The following TMPRSS2 variants were observed in gnomAD, a reference collection of about 807,000 sequenced individuals.
TMPRSS2 encodes the protein transmembrane serine protease 2.
A neutral mutation model predicts 67.4 loss-of-function variants in TMPRSS2; 59 were observed. That is an observed-to-expected ratio of 0.88 (90% CI 0.71 to 1.09). The LOEUF (loss-of-function observed/expected upper bound fraction) is 1.09. Ranked by LOEUF, TMPRSS2 falls within the 50% of genes least tolerant of loss-of-function variation. TMPRSS2 has a pLI of 0.00. For synonymous variants in TMPRSS2, 257 were observed against 257.0 expected (o/e 1.00, Z 0.00); for missense variants, 668 against 642.7 (o/e 1.04, Z -0.43).
chr21:41,469,036 T>C (rs2091108820), intron 11 of TMPRSS2, among the ~76,000 whole-genome samples: 1 of 152,180 alleles, frequency 6.6e-6, no homozygotes, highest in South Asian at 2.1e-4. Context: ...CATTTCCCAC[T>C]CTCGCTTTGC....
intron 1 of TMPRSS2, chr21:41,507,849 T>C: frequency 7.5e-7 from 1 of 1,331,534 alleles, no homozygotes. Context: ...GCGAGGGCTC[T>C]CGGCCGTGCG....
chr21:41,468,339 T>C (rs753647532), intron 12 of TMPRSS2, 57 bp downstream of exon 12: 16 of 1,600,730 alleles, frequency 1.0e-5, no homozygotes, highest in African/African-American at 1.3e-5. Flanking sequence ...CTCTCTCTCA[T>C]GGGGGGTTCA....
At chr21:41,476,400 C>G (rs886476576) in intron 8 of TMPRSS2, among the ~76,000 whole-genome samples, 177 bp downstream of exon 8, 4 of 152,132 alleles carry the variant, frequency 2.6e-5, no homozygotes, top group Admixed American at 6.5e-5. Context: ...TGTCTACAGG[C>G]CATGGAAATC....
At chr21:41,501,871 G>A (rs777132782) in intron 1 of TMPRSS2, among the ~76,000 whole-genome samples, 12 of 152,214 alleles carry the variant, frequency 7.9e-5, no homozygotes, top group Non-Finnish European at 1.5e-4. Context: ...GCTGTTTAGC[G>A]AATGCTTGCT....
At position 41,480,577 on chromosome 21, in the gene TMPRSS2, G is replaced by A. The variant is rs756213944; in HGVS notation, c.471C>T (p.Ile157=). 2 of 1,613,772 alleles carry A rather than the reference G, an allele frequency of 1.2e-6. No homozygotes were observed. Among genetic ancestry groups the A allele is most frequent in the Admixed American group, 3.3e-5 (2 of 60,026 alleles). Reference sequence around the variant, plus strand: ...TCCTCTGAGATGAGTACACCTGAAGGATGAAGTTTGGTCCGTAGAGGCGAA... The same window carrying A: ...TCCTCTGAGATGAGTACACCTGAAGAATGAAGTTTGGTCCGTAGAGGCGAA... ...RCVRLYGPNF[I]LQVYSSQRKS... is the part of the protein sequence containing the mutation. Residue 157 remains isoleucine, a synonymous_variant, in exon 6 of 14, where the codon ATC becomes ATT. Coordinates refer to ENST00000332149, the MANE Select transcript of TMPRSS2 (RefSeq NM_005656.4).
chr21:41,473,560 C>T (rs1190475541), intron 8 of TMPRSS2, 64 bp from the exon 9 acceptor site: 33 of 1,509,316 alleles, frequency 2.2e-5, no homozygotes, highest in Admixed American at 1.2e-4. Flanking sequence ...CCACCCAGCG[C>T]CCGCCCCTCC....
intron 1 of TMPRSS2, among the ~76,000 whole-genome samples, chr21:41,501,851 G>A (rs550238535): frequency 6.6e-6 from 1 of 152,318 alleles, no homozygotes; most frequent in African/African-American, 2.4e-5. Flanking sequence ...AGTAGATGGC[G>A]AGAGACAATG....
intron 3 of TMPRSS2, among the ~76,000 whole-genome samples, chr21:41,491,903 C>T (rs2091339928): frequency 6.6e-6 from 1 of 152,196 alleles, no homozygotes; most frequent in African/African-American, 2.4e-5. Flanking sequence ...ACTGGCCCGG[C>T]ACAGTGGCTC....
chr21:41,485,482 CTACAAAAAA>C (rs2091289539), intron 5 of TMPRSS2, among the ~76,000 whole-genome samples: 1 of 151,642 alleles, frequency 6.6e-6, no homozygotes, highest in African/African-American at 2.4e-5. Context: ...AACCCATTTT[CTACAAAAAA>C]TACAAAAATT....
At chr21:41,473,566 C>G in intron 8 of TMPRSS2, 70 bp from the exon 9 acceptor site, 1 of 1,496,498 alleles carries the variant, frequency 6.7e-7, no homozygotes, top group Non-Finnish European at 9.0e-7. Flanking sequence ...AGCGCCCGCC[C>G]CTCCCAAGGG....
Position 41,480,326 on chromosome 21 carries a change from C to A in TMPRSS2, c.572+150G>T, listed in dbSNP as rs998847649. The stretch of plus-strand genomic sequence containing the variant: ...GGGCACAGCCCTAGCAGGACAAATT[C>A]CACCTGCTGGTTATAGGGCTCAGCT... On this transcript the variant is annotated intron_variant, in intron 6 of 13. Coordinates refer to ENST00000332149, the MANE Select transcript of TMPRSS2 (RefSeq NM_005656.4). The A allele has an allele frequency of 4.5e-6, 6 of 1,332,280 alleles. No individual in the cohort carries two copies. In the Admixed American group the frequency reaches 7.9e-5, roughly 18 times the overall value. 82.5% of individuals were successfully genotyped at this position (1,332,280 alleles called of 1,614,324 possible). A position where few individuals can be genotyped will look rare whatever the true frequency, so the allele number is the denominator to read the frequency against.
At position 41,508,114 on chromosome 21, in the gene TMPRSS2, G is replaced by GCCCTCC. The variant is rs1407833636; in HGVS notation, c.-96_-91dup. 9.2e-7 allele frequency: 1 copy of GCCCTCC among 1,092,200 alleles called. No individual in the cohort carries two copies. Among genetic ancestry groups the GCCCTCC allele is most frequent in the South Asian group, 2.6e-5 (1 of 38,348 alleles). 67.7% of individuals were successfully genotyped at this position (1,092,200 alleles called of 1,614,324 possible). The stretch of plus-strand genomic sequence containing the variant: ...CTCCAGGCGGCGCTCCCCGCCCCTC[G>GCCCTCC]CCCTCCGCCTCCGCCTCCGCCTCCT... On this transcript the variant is annotated 5_prime_UTR_variant, in exon 1 of 14. Coordinates refer to ENST00000332149, the MANE Select transcript of TMPRSS2 (RefSeq NM_005656.4).
chr21:41,489,707 A>C, intron 3 of TMPRSS2, 114 bp from the exon 4 acceptor site: 1 of 661,838 alleles, frequency 1.5e-6, no homozygotes. Context: ...TATTTCATAT[A>C]CACTTAAAAA....
intron 5 of TMPRSS2, among the ~76,000 whole-genome samples, chr21:41,485,070 T>C (rs2091285758): frequency 7.2e-6 from 1 of 139,428 alleles, no homozygotes; most frequent in South Asian, 2.5e-4. Context: ...TGGGCATGTA[T>C]GGGAGTGATG....
Position 41,466,054 on chromosome 21 carries a change from C to A in TMPRSS2, c.*88G>T. On this transcript the variant is annotated 3_prime_UTR_variant, in exon 14 of 14. Coordinates refer to ENST00000332149, the MANE Select transcript of TMPRSS2 (RefSeq NM_005656.4). The stretch of plus-strand genomic sequence containing the variant: ...AATAAAAATGAAGTGACCTCTGAAT[C>A]ATCTCTAAGAGTAAATCATGCACGG... The A allele has an allele frequency of 6.7e-7, 1 of 1,488,896 alleles. No individual in the cohort carries two copies. The highest frequency in any genetic ancestry group is 9.3e-7 in the Non-Finnish European group (1 of 1,075,016). The allele number at this position is 1,488,896 out of a possible 1,614,324, so 92.2% of individuals were successfully genotyped here.
At chr21:41,477,644 A>G (rs1000433462) in intron 7 of TMPRSS2, among the ~76,000 whole-genome samples, 14 of 152,074 alleles carry the variant, frequency 9.2e-5, no homozygotes, top group African/African-American at 3.1e-4. Context: ...GTTCTCAGTG[A>G]CTACAGGTGC....
At chr21:41,475,535 G>GA (rs1238293728) in intron 8 of TMPRSS2, among the ~76,000 whole-genome samples, 4 of 35,052 alleles carry the variant, frequency 1.1e-4, no homozygotes, top group Admixed American at 2.6e-4. Context: ...AGGGGGTGAA[G>GA]GGTGAGTGAG....
At chr21:41,483,544 C>A (rs554097496) in intron 5 of TMPRSS2, among the ~76,000 whole-genome samples, 15 of 151,764 alleles carry the variant, frequency 9.9e-5, no homozygotes, top group African/African-American at 3.1e-4. Flanking sequence ...CCGCCCCCCA[C>A]CTCGGCCTCC....
At chr21:41,489,430 GCCCA>G in intron 4 of TMPRSS2, 73 bp downstream of exon 4, 1 of 1,271,964 alleles carries the variant, frequency 7.9e-7, no homozygotes, top group Non-Finnish European at 1.1e-6. Flanking sequence ...GGTCTCAATA[GCCCA>G]GAGAGCAGGG....
Sources: gnomAD v4.1 joint callset for allele counts (sites outside exome capture counted in the v4.1 genomes callset) on GRCh38, gnomAD v4.1.1 for gene constraint, MANE v1.5 for transcripts, NCBI Gene and HGNC (gene_info 2026-07-23, HGNC 2026-07-21) for gene names.